Variants in ITGB3 observed in about 807,000 individuals in gnomAD.
ITGB3 encodes integrin beta-3.
ITGB3 carries 48 observed loss-of-function variants against 85.8 expected under a neutral mutation model. That is an observed-to-expected ratio of 0.56 (90% CI 0.44 to 0.71). The LOEUF (loss-of-function observed/expected upper bound fraction) is 0.71, where lower values mean the gene tolerates loss of function less well. ITGB3 is among the 30% of genes least tolerant of loss of function. The pLI is 0.00. For synonymous variants in ITGB3, 363 were observed against 395.6 expected (o/e 0.92, Z 0.98); for missense variants, 861 against 1,019.1 (o/e 0.84, Z 2.11).
chr17:47,289,473 C>A (rs971655010), intron 6 of ITGB3, among the ~76,000 whole-genome samples: 3 of 152,072 alleles, frequency 2.0e-5, no homozygotes, highest in African/African-American at 7.2e-5. Flanking sequence ...TAGGCACTTA[C>A]CACCACATCT....
At chr17:47,279,809 A>C (rs1244634162) in intron 2 of ITGB3, 1 of 152,252 alleles carries the variant, frequency 6.6e-6, no homozygotes, top group African/African-American at 2.4e-5. Flanking sequence ...ATTCTGATTT[A>C]TCCACTGCCT....
At chr17:47,300,326 G>C in intron 11 of ITGB3, 152 bp from the exon 12 acceptor site, 1 of 646,064 alleles carries the variant, frequency 1.5e-6, no homozygotes. Context: ...CCCCAGGATT[G>C]TCTTACAGGC....
rs1385113768 is a variant in ITGB3 at position 47,307,562 on chromosome 17, A to G, written c.2226A>G (p.Lys742=). The G allele has an allele frequency of 1.2e-6, 2 of 1,613,754 alleles. No homozygotes were observed. The highest frequency in any genetic ancestry group is 1.7e-6 in the Non-Finnish European group (2 of 1,179,962). Residue 742 remains lysine (K), a synonymous_variant, in exon 14 of 15, where the codon AAA becomes AAG. Transcript: ENST00000559488. ...GCCTTGCCGCCCTGCTCATCTGGAA[A>G]CTCCTCATCACCATCCACGACCGAA... The part of the protein sequence containing the change: ...LIGLAALLIW[K]LLITIHDRKE...
chr17:47,261,519 CTTT>C (rs71365061), intron 1 of ITGB3, among the ~76,000 whole-genome samples: 78 of 128,032 alleles, frequency 6.1e-4, no homozygotes, highest in Non-Finnish European at 8.2e-4. Context: ...GGATCATTGT[CTTT>C]TTTTTTTTTT....
chr17:47,262,710 C>T (rs2065012680), intron 1 of ITGB3, among the ~76,000 whole-genome samples: 1 of 152,202 alleles, frequency 6.6e-6, no homozygotes, highest in African/African-American at 2.4e-5. Flanking sequence ...CTCTTGTCTC[C>T]TGCCCAGAGT....
intron 9 of ITGB3, 66 bp from the exon 10 acceptor site, chr17:47,292,073 T>G: frequency 6.4e-7 from 1 of 1,564,272 alleles, no homozygotes. Flanking sequence ...AACTTTTTTT[T>G]TCCTCCAGAG....
At chr17:47,269,270 C>A (rs2065036166) in intron 1 of ITGB3, among the ~76,000 whole-genome samples, 1 of 152,224 alleles carries the variant, frequency 6.6e-6, no homozygotes, top group African/African-American at 2.4e-5. Context: ...AATTAACATT[C>A]AGCTCCTCGT....
chr17:47,278,454 C>A (rs984759119), intron 2 of ITGB3, among the ~76,000 whole-genome samples: 15 of 152,116 alleles, frequency 9.9e-5, no homozygotes, highest in Admixed American at 9.8e-4. Context: ...GTGGCGCAGG[C>A]CTGTAACCCC....
At chr17:47,302,570 A>C in intron 12 of ITGB3, 151 bp from the exon 13 acceptor site, 1 of 906,588 alleles carries the variant, frequency 1.1e-6, no homozygotes, top group South Asian at 1.5e-5. Flanking sequence ...ACTGCCAGAC[A>C]CAACAGCCAC....
intron 2 of ITGB3, among the ~76,000 whole-genome samples, chr17:47,280,722 C>T (rs558890392): frequency 6.6e-6 from 1 of 152,094 alleles, no homozygotes; most frequent in East Asian, 1.9e-4. Context: ...ATTATGGCTG[C>T]CAGGTTGCTT....
chr17:47,308,692 G>A (rs1020171415), intron 14 of ITGB3, among the ~76,000 whole-genome samples: 4 of 152,096 alleles, frequency 2.6e-5, no homozygotes, highest in African/African-American at 9.7e-5. Context: ...AGTAGCGACG[G>A]GGTTTCACCA....
At chr17:47,288,578 C>G (rs1347612606) in intron 6 of ITGB3, among the ~76,000 whole-genome samples, 1 of 152,142 alleles carries the variant, frequency 6.6e-6, no homozygotes, top group Non-Finnish European at 1.5e-5. Context: ...GGAGACTGAG[C>G]TGAGGATCTA....
chr17:47,257,369 C>CTTA (rs1489435447), intron 1 of ITGB3, among the ~76,000 whole-genome samples: 1 of 152,120 alleles, frequency 6.6e-6, no homozygotes. Flanking sequence ...AGGAAAAAGG[C>CTTA]TTATACATTT....
Position 47,292,225 on chromosome 17 carries a change from C to T in ITGB3, c.1347C>T (p.Asp449=). The change falls in exon 10 of 15, where the codon GAC becomes GAT. Residue 449 remains aspartate (D), a synonymous_variant. Transcript: ENST00000559488. ...SFTIKPVGFK[D]SLIVQVTFDC... ...CCATAAAGCCCGTGGGCTTCAAGGA[C>T]AGCCTGATCGTCCAGGTCACCTTTG... The T allele has an allele frequency of 6.2e-7, 1 of 1,614,244 alleles. No homozygotes were observed. Among genetic ancestry groups the T allele is most frequent in the Non-Finnish European group, 8.5e-7 (1 of 1,180,024 alleles).
At chr17:47,296,942 C>T (rs149184556) in intron 10 of ITGB3, among the ~76,000 whole-genome samples, 3 of 152,168 alleles carry the variant, frequency 2.0e-5, no homozygotes, top group Admixed American at 6.5e-5. Context: ...ATCCACCCTT[C>T]GCTTAAATAG....
intron 11 of ITGB3, among the ~76,000 whole-genome samples, chr17:47,300,242 C>T (rs2065161128): frequency 6.6e-6 from 1 of 152,188 alleles, no homozygotes; most frequent in Non-Finnish European, 1.5e-5. Context: ...ACCTGGGAGG[C>T]TTCTGGCTGC....
intron 8 of ITGB3, 47 bp downstream of exon 8, chr17:47,290,321 T>C (rs375775468): frequency 1.7e-5 from 25 of 1,509,932 alleles, no homozygotes; most frequent in Non-Finnish European, 2.3e-5. Context: ...TCCACCTCAT[T>C]TGGCTTACAC....
At chr17:47,278,223 G>A (rs2065070442) in intron 2 of ITGB3, among the ~76,000 whole-genome samples, 1 of 152,158 alleles carries the variant, frequency 6.6e-6, no homozygotes, top group South Asian at 2.1e-4. Context: ...GGTAAAAAAA[G>A]TACTGGGGCA....
intron 8 of ITGB3, 64 bp from the exon 9 acceptor site, chr17:47,290,890 C>T: frequency 1.3e-6 from 2 of 1,598,002 alleles, no homozygotes; most frequent in Non-Finnish European, 1.7e-6. Flanking sequence ...ATGGAACTGG[C>T]TCTTGCCATT....
Sources: allele counts gnomAD v4.1 joint callset (sites outside exome capture counted in the v4.1 genomes callset), GRCh38; gene constraint gnomAD v4.1.1; transcripts MANE v1.5; gene names NCBI Gene and HGNC (gene_info 2026-07-23, HGNC 2026-07-21).